The following TIMD4 variants were observed in gnomAD, a reference collection of about 807,000 sequenced individuals.
TIMD4 encodes T-cell immunoglobulin and mucin domain-containing protein 4.
Under a neutral mutation model 41.2 loss-of-function variants are expected in TIMD4, and 31 were observed. That is an observed-to-expected ratio of 0.75 (90% CI 0.57 to 1.01). The LOEUF (loss-of-function observed/expected upper bound fraction) is 1.01, where lower values mean the gene tolerates loss of function less well. Ranked by LOEUF, TIMD4 falls within the 50% of genes least tolerant of loss-of-function variation. The pLI is 0.00. For missense variants in TIMD4, 479 were observed against 472.5 expected (o/e 1.01, Z -0.13); for synonymous variants, 204 against 177.1 (o/e 1.15, Z -1.21).
chr5:156,933,296 C>T (rs963965865), intron 5 of TIMD4, among the ~76,000 whole-genome samples: 2 of 151,906 alleles, frequency 1.3e-5, no homozygotes, highest in African/African-American at 2.4e-5. Flanking sequence ...GTGGAAGGGT[C>T]GTTTGGGGCC....
chr5:156,947,883 C>A (rs1428781097), intron 5 of TIMD4, among the ~76,000 whole-genome samples: 1 of 152,084 alleles, frequency 6.6e-6, no homozygotes, highest in East Asian at 1.9e-4. Context: ...TCTATGCACT[C>A]CTAACAAAAA....
Position 156,951,563 on chromosome 5 carries a change from T to A in TIMD4, c.628A>T (p.Thr210Ser), listed in dbSNP as rs764478895. The change falls in exon 3 of 9, where the codon ACA (threonine) becomes TCA (serine). Residue 210 changes from threonine (T) to serine (S), a missense_variant. Transcript: ENST00000274532. ...LTPSTLPEEA[T>S]GLLTPEPSKE... is the part of the protein sequence containing the mutation. The stretch of plus-strand genomic sequence containing the variant: ...GAAGGCTCGGGAGTCAGAAGACCTG[T>A]GGCTTCCTCCGGAAGGGTGCTTGGG... 2.2e-5 allele frequency: 36 copies of A among 1,614,132 alleles called. No homozygotes were observed. The highest frequency in any genetic ancestry group is 3.0e-5 in the Non-Finnish European group (35 of 1,180,012).
In TIMD4 at chr5:156,954,743, T is replaced by C; in HGVS notation, c.72A>G (p.Ser24=). The change falls in exon 2 of 9, where the codon TCA becomes TCG. Residue 24 remains serine (S), a synonymous_variant. Transcript: ENST00000274532. ...CCAAAACCTCCGTCACAACAGTCTC[T>C]GAAGTGACTGGTGCTGCAAGGAAAA... is the stretch of plus-strand genomic sequence containing the variant. The part of the protein sequence containing the change: ...FWWLYLTPVT[S]ETVVTEVLGH... 1 of 1,609,388 alleles carries C rather than the reference T, an allele frequency of 6.2e-7. No individual in the cohort carries two copies. Among genetic ancestry groups the C allele is most frequent in the Non-Finnish European group, 8.5e-7 (1 of 1,176,930 alleles).
chr5:156,919,909 A>T (rs1232677549), intron 8 of TIMD4, among the ~76,000 whole-genome samples: 1 of 152,226 alleles, frequency 6.6e-6, no homozygotes, highest in Non-Finnish European at 1.5e-5. Context: ...TTAATTAGGC[A>T]AGGACTTCAT....
intron 6 of TIMD4, chr5:156,924,219 C>A (rs1164277535): frequency 4.7e-6 from 2 of 427,586 alleles, no homozygotes; most frequent in East Asian, 6.0e-5. Flanking sequence ...CCCCAAAATC[C>A]CATGAAGGTT....
At chr5:156,936,594 A>G (rs1175445485) in intron 5 of TIMD4, among the ~76,000 whole-genome samples, 1 of 151,962 alleles carries the variant, frequency 6.6e-6, no homozygotes, top group Non-Finnish European at 1.5e-5. Flanking sequence ...GGCTCTATGG[A>G]CTTTGGAAAA....
chr5:156,940,145 A>G lies in TIMD4; in HGVS notation c.844+8271T>C, dbSNP rs977154616. On this transcript the variant is annotated intron_variant, in intron 5 of 8. Coordinates refer to ENST00000274532, the MANE Select transcript of TIMD4 (RefSeq NM_138379.3). ...CTGGTTTTTGTATTTTTTGGTGGAG[A>G]CGGGGTTTCGCCCTGTTGGCCGGGC... 4.6e-5 allele frequency among the ~76,000 whole-genome samples: 7 copies of G among 152,138 alleles called. No individual in the cohort carries two copies. The East Asian group carries it at 5.8e-4, about 13-fold the overall frequency.
intron 5 of TIMD4, among the ~76,000 whole-genome samples, chr5:156,944,308 G>T (rs1390847210): frequency 6.6e-6 from 1 of 151,978 alleles, no homozygotes; most frequent in African/African-American, 2.4e-5. Context: ...TGAAAGTCCT[G>T]GACTTTGCCC....
Position 156,925,377 on chromosome 5 carries a change from T to C in TIMD4, c.894+886A>G, listed in dbSNP as rs557245707. Among the ~76,000 whole-genome samples, 186 of 152,326 alleles carry C rather than the reference T, an allele frequency of 1.2e-3. 1 individual carries two copies. The highest frequency in any genetic ancestry group is 1.5e-3 in the South Asian group (7 of 4,824). On this transcript the variant is annotated intron_variant, in intron 6 of 8. Coordinates refer to ENST00000274532, the MANE Select transcript of TIMD4 (RefSeq NM_138379.3). ...TCTTGCTGGGGCTATGCCATCTCCA[T>C]TGACCAAGATATGCTCTCTCCCTCT...
intron 1 of TIMD4, 30 bp from the exon 2 acceptor site, chr5:156,954,786 T>G: frequency 3.2e-6 from 5 of 1,556,254 alleles, no homozygotes; most frequent in Non-Finnish European, 4.4e-6. Flanking sequence ...ATTTAGGTCA[T>G]GCAGTACTGA....
chr5:156,919,418 G>A lies in TIMD4; in HGVS notation c.*39C>T, dbSNP rs375548914. On this transcript the variant is annotated 3_prime_UTR_variant, in exon 9 of 9. Transcript: ENST00000274532. ...CTAAGACTTATTTTGACACTGGAGT[G>A]TCATGCCCCCATCCTCAATCTAACA... The A allele has an allele frequency of 3.2e-6, 5 of 1,555,302 alleles. No individual in the cohort carries two copies. The highest frequency in any genetic ancestry group is 2.7e-5 in the African/African-American group (2 of 72,834).
chr5:156,923,990 T>C (rs1759301003), intron 6 of TIMD4: 1 of 189,770 alleles, frequency 5.3e-6, no homozygotes, highest in African/African-American at 2.4e-5. Flanking sequence ...AGGTACATGA[T>C]ACCACACTCG....
chr5:156,946,776 C>T (rs1759752161), intron 5 of TIMD4, among the ~76,000 whole-genome samples: 2 of 151,900 alleles, frequency 1.3e-5, no homozygotes, highest in South Asian at 2.1e-4. Context: ...TGAGCCACCG[C>T]GCCTGGCCTC....
At chr5:156,941,286 C>G (rs914085331) in intron 5 of TIMD4, among the ~76,000 whole-genome samples, 8 of 152,064 alleles carry the variant, frequency 5.3e-5, no homozygotes, top group Admixed American at 1.3e-4. Flanking sequence ...ATCCCCCTCT[C>G]CGAGAAACAC....
At chr5:156,963,059 G>A in intron 1 of TIMD4, 82 bp downstream of exon 1, 2 of 1,398,642 alleles carry the variant, frequency 1.4e-6, no homozygotes, top group Non-Finnish European at 2.0e-6. Flanking sequence ...GCTTCACTGA[G>A]GCCCAAACCA....
At position 156,926,453 on chromosome 5, in the gene TIMD4, A is replaced by G. The variant is rs1160670467; in HGVS notation, c.845-141T>C. ...TAATCCCGTGTTTTTTGTATAATCT[A>G]TTTATGCATATTTGTTTTGATATGG... is the stretch of plus-strand genomic sequence containing the variant. On this transcript the variant is annotated intron_variant, in intron 5 of 8. Coordinates refer to ENST00000274532, the MANE Select transcript of TIMD4 (RefSeq NM_138379.3). 15 of 751,932 alleles carry G rather than the reference A, an allele frequency of 2.0e-5. No individual in the cohort carries two copies. In the South Asian group the frequency reaches 2.1e-4, roughly 10 times the overall value. The allele number at this position is 751,932 out of a possible 1,614,324, so 46.6% of individuals were successfully genotyped here.
At chr5:156,933,464 C>G (rs996434888) in intron 5 of TIMD4, among the ~76,000 whole-genome samples, 13 of 151,016 alleles carry the variant, frequency 8.6e-5, no homozygotes, top group African/African-American at 2.2e-4. Flanking sequence ...CCAACCCCCC[C>G]CCAAAAAAAG....
chr5:156,940,451 C>G (rs1433919162), intron 5 of TIMD4, among the ~76,000 whole-genome samples: 2 of 151,662 alleles, frequency 1.3e-5, no homozygotes, highest in Non-Finnish European at 2.9e-5. Context: ...TCTGCCCGGC[C>G]GCCCAGCCTG....
intron 1 of TIMD4, among the ~76,000 whole-genome samples, chr5:156,961,530 C>A (rs773696317): frequency 2.2e-4 from 34 of 152,114 alleles, no homozygotes; most frequent in Non-Finnish European, 4.7e-4. Context: ...TGGCCAGGTG[C>A]GGTGACTCAC....
Sources: allele counts gnomAD v4.1 joint callset (sites outside exome capture counted in the v4.1 genomes callset), GRCh38; gene constraint gnomAD v4.1.1; transcripts MANE v1.5; gene names NCBI Gene and HGNC (gene_info 2026-07-23, HGNC 2026-07-21).